TNRC6B: variants seen among roughly 807,000 people sequenced by gnomAD.
TNRC6B encodes the protein trinucleotide repeat containing adaptor 6B, also known as trinucleotide repeat-containing gene 6B protein.
Under a neutral mutation model 203.6 loss-of-function variants are expected in TNRC6B, and 52 were observed. The observed-to-expected ratio is 0.26, with a 90% CI of 0.20 to 0.32. The LOEUF is 0.32. Among genes scored for constraint, TNRC6B ranks in the 10% least tolerant of loss-of-function variants. The pLI is 1.00. For synonymous variants in TNRC6B, 838 were observed against 845.7 expected, an observed-to-expected ratio of 0.99 and a Z score of 0.16; for missense variants, 1,923 against 2,286.2, an observed-to-expected ratio of 0.84 and a Z score of 3.24.
chr22:40,174,685 C>T (rs1426730082), upstream of TNRC6B, among the ~76,000 whole-genome samples: 3 of 151,940 alleles, frequency 2.0e-5, no homozygotes, highest in South Asian at 4.1e-4. Context: ...ATTAGCCGAG[C>T]GTGGTGGCAG....
At chr22:40,100,115 G>C (rs532631469) in intron 1 of TNRC6B, among the ~76,000 whole-genome samples, 43 of 143,712 alleles carry the variant, frequency 3.0e-4, no homozygotes, top group Admixed American at 2.5e-3. Context: ...TATGGAGACA[G>C]GGTCTCTCTT....
At chr22:40,193,898 C>T (rs1371545823) in intron 1 of TNRC6B, among the ~76,000 whole-genome samples, 2 of 152,098 alleles carry the variant, frequency 1.3e-5, no homozygotes, top group Non-Finnish European at 2.9e-5. Flanking sequence ...CGGCTGCCAG[C>T]CCTAAGAGCT....
chr22:40,120,665 G>A (rs1002229763), intron 2 of TNRC6B, among the ~76,000 whole-genome samples: 9 of 152,100 alleles, frequency 5.9e-5, no homozygotes, highest in African/African-American at 2.2e-4. Context: ...AGATCAAAGG[G>A]TATCCAATAA....
At position 40,293,805 on chromosome 22, in the gene TNRC6B, G is replaced by A. The variant is rs539988438; in HGVS notation, c.3709-6650G>A. Among the ~76,000 whole-genome samples, 7 of 152,112 alleles carry A rather than the reference G, an allele frequency of 4.6e-5. No individual in the cohort carries two copies. In the South Asian group the frequency reaches 6.2e-4, roughly 14 times the overall value. On this transcript the variant is annotated intron_variant, in intron 12 of 22. Coordinates refer to ENST00000454349, the MANE Select transcript of TNRC6B (RefSeq NM_001162501.2). ...GCTGTGCCGCACATGTATTTTGAGC[G>A]CAGTTAATATATATTAAGTCATGGG...
chr22:40,246,041 A>G lies in TNRC6B; in HGVS notation c.32A>G (p.Gln11Arg). ...GAGAAGGAGCAAGAAAGGGAAGAAC[A>G]GTTAATGGAAGACAAGAAAAGGAAG... MREKEQEREE[Q>R]LMEDKKRKKE... Residue 11 changes from glutamine to arginine, a missense_variant, in exon 2 of 23, where the codon CAG (glutamine) becomes CGG (arginine). Physicochemically the swap from Gln to Arg is conservative, Grantham distance 43. Coordinates refer to ENST00000454349, the MANE Select transcript of TNRC6B (RefSeq NM_001162501.2). 1 of 1,544,892 alleles carries G rather than the reference A, an allele frequency of 6.5e-7. No individual in the cohort carries two copies. The highest frequency in any genetic ancestry group is 1.2e-5 in the South Asian group (1 of 83,570).
In TNRC6B at chr22:40,242,914, GGCTGGAGT is replaced by G. The variant is rs1216663241; in HGVS notation, c.6-3098_6-3091del. Among the ~76,000 whole-genome samples the G allele has an allele frequency of 5.9e-5, 9 of 152,090 alleles. No homozygotes were observed. In the East Asian group the frequency reaches 1.7e-3, roughly 30 times the overall value. ...AGACAGAGTCTCGCTCTGTCACCCAGGCTGGAGTGCAGTGGCGTAATCTTGGCTAACTG... is the reference window on the plus strand; with the variant it reads ...AGACAGAGTCTCGCTCTGTCACCCAGGCAGTGGCGTAATCTTGGCTAACTG... On this transcript the variant is annotated intron_variant, in intron 1 of 22. Transcript: ENST00000454349.
At chr22:40,063,577 T>A (rs369758779) in intron 1 of TNRC6B, among the ~76,000 whole-genome samples, 1 of 152,250 alleles carries the variant, frequency 6.6e-6, no homozygotes, top group South Asian at 2.1e-4. Context: ...AGATCATTTT[T>A]AATTTATTTC....
At chr22:40,136,443 G>T (rs1290267923) in intron 3 of TNRC6B, among the ~76,000 whole-genome samples, 2 of 149,256 alleles carry the variant, frequency 1.3e-5, no homozygotes, top group African/African-American at 2.5e-5. Flanking sequence ...CTGTCGCGTA[G>T]GCTGGAGTAT....
intron 1 of TNRC6B, among the ~76,000 whole-genome samples, chr22:40,216,691 C>T (rs2069640036): frequency 6.6e-6 from 1 of 152,122 alleles, no homozygotes; most frequent in Admixed American, 6.5e-5. Context: ...GTCTCTCTTG[C>T]TGTGCATTTA....
chr22:40,176,155 A>C (rs1601860034), upstream of TNRC6B, among the ~76,000 whole-genome samples: 1 of 128,334 alleles, frequency 7.8e-6, no homozygotes. Context: ...ATGGAGTTTC[A>C]CTCTTGCTGC....
intron 3 of TNRC6B, 126 bp from the exon 4 acceptor site, chr22:40,261,706 C>G (rs2070385843): frequency 2.3e-6 from 2 of 857,554 alleles, no homozygotes; most frequent in Non-Finnish European, 3.2e-6. Context: ...AGCCCGAGTT[C>G]AAGACCAGCA....
chr22:40,050,817 T>G (rs941447924), intron 1 of TNRC6B, among the ~76,000 whole-genome samples: 1 of 151,208 alleles, frequency 6.6e-6, no homozygotes, highest in Admixed American at 6.6e-5. Context: ...CTGTAGTTTT[T>G]TTGTTTTTGG....
chr22:40,142,058 CCTT>C (rs2068649100), intron 3 of TNRC6B, among the ~76,000 whole-genome samples: 1 of 150,056 alleles, frequency 6.7e-6, no homozygotes, highest in Non-Finnish European at 1.5e-5. Flanking sequence ...CCGCGCCTGG[CCTT>C]CTTGTTTTTG....
At chr22:40,157,125 TGATA>T (rs1422430784) in intron 4 of TNRC6B, among the ~76,000 whole-genome samples, 1 of 152,084 alleles carries the variant, frequency 6.6e-6, no homozygotes, top group Non-Finnish European at 1.5e-5. Flanking sequence ...GGTAGCTTTT[TGATA>T]GCAGTGAGTG....
chr22:40,090,315 C>G (rs1403030231), intron 1 of TNRC6B, among the ~76,000 whole-genome samples: 1 of 152,024 alleles, frequency 6.6e-6, no homozygotes, highest in Non-Finnish European at 1.5e-5. Context: ...AAGGAGCATT[C>G]CTGTTTCTCC....
intron 7 of TNRC6B, 187 bp from the exon 8 acceptor site, chr22:40,276,890 G>A (rs2070652035): frequency 2.5e-6 from 1 of 398,838 alleles, no homozygotes; most frequent in Non-Finnish European, 4.4e-6. Flanking sequence ...TTATAAAAAT[G>A]AAAACATAGA....
intron 1 of TNRC6B, among the ~76,000 whole-genome samples, chr22:40,189,784 A>G (rs1245116845): frequency 1.3e-5 from 2 of 152,214 alleles, no homozygotes; most frequent in African/African-American, 4.8e-5. Context: ...GTTGGTTCCC[A>G]GACTTCGGTT....
At chr22:40,280,452 A>G (rs1005193063) in intron 10 of TNRC6B, among the ~76,000 whole-genome samples, 3 of 152,240 alleles carry the variant, frequency 2.0e-5, no homozygotes, top group African/African-American at 7.2e-5. Flanking sequence ...CAGCTACAAA[A>G]TAAATTTTGG....
At chr22:40,291,483 A>G (rs910106741) in intron 12 of TNRC6B, among the ~76,000 whole-genome samples, 6 of 152,200 alleles carry the variant, frequency 3.9e-5, no homozygotes, top group African/African-American at 7.2e-5. Flanking sequence ...GACAGGAATT[A>G]TTTTTACTAA....
Sources: allele counts gnomAD v4.1 joint callset (sites outside exome capture counted in the v4.1 genomes callset), GRCh38; gene constraint gnomAD v4.1.1; transcripts MANE v1.5; gene names NCBI Gene and HGNC (gene_info 2026-07-23, HGNC 2026-07-21).